SFMBT2: variants seen among roughly 807,000 people sequenced by gnomAD.
SFMBT2 encodes scm-like with four MBT domains protein 2.
In SFMBT2, 38 loss-of-function variants were observed where a neutral mutation model predicts 110.1. The ratio of observed to expected loss-of-function variants is 0.35; its 90% CI spans 0.27 to 0.45. The LOEUF is 0.45. Among genes scored for constraint, SFMBT2 ranks in the 20% least tolerant of loss-of-function variants. The pLI is 1.00. For missense variants in SFMBT2, 1,011 were observed against 1,094.9 expected (o/e 0.92, Z 1.08); for synonymous variants, 425 against 425.4 (o/e 1.00, Z 0.01).
Position 7,274,020 on chromosome 10 carries a change from G to A in SFMBT2, c.870+2872C>T, listed in dbSNP as rs982914459. On this transcript the variant is annotated intron_variant, in intron 7 of 20. Coordinates refer to ENST00000397167, the MANE Select transcript of SFMBT2 (RefSeq NM_001387889.1). ...CACTATTCACAATACCAAAGACTTG[G>A]AACCAACCCAAATGTTCATCAGTGA... Among the ~76,000 whole-genome samples the A allele has an allele frequency of 1.3e-5, 2 of 152,146 alleles. 1 individual carries two copies. Among genetic ancestry groups the A allele is most frequent in the Admixed American group, 1.3e-4 (2 of 15,270 alleles).
chr10:7,393,553 C>T (rs992272546), intron 1 of SFMBT2, among the ~76,000 whole-genome samples: 1 of 152,190 alleles, frequency 6.6e-6, no homozygotes. Flanking sequence ...GTGAGCAGAA[C>T]ATACCTGAAA....
chr10:7,397,993 T>C (rs1845975015), intron 1 of SFMBT2, among the ~76,000 whole-genome samples: 2 of 152,210 alleles, frequency 1.3e-5, no homozygotes, highest in South Asian at 4.1e-4. Context: ...CAGAGCTTGA[T>C]TTACCTTGAT....
chr10:7,346,029 A>C (rs143506514), intron 4 of SFMBT2, among the ~76,000 whole-genome samples: 5 of 152,284 alleles, frequency 3.3e-5, no homozygotes, highest in African/African-American at 1.2e-4. Context: ...AAAAGCACTG[A>C]ACACCTTAAC....
intron 7 of SFMBT2, chr10:7,249,606 TA>T (rs1474627507): frequency 1.0e-6 from 1 of 958,594 alleles, no homozygotes; most frequent in East Asian, 1.1e-4. Flanking sequence ...CCTGCAAATC[TA>T]AAGTGGGTTT....
intron 2 of SFMBT2, among the ~76,000 whole-genome samples, chr10:7,373,161 C>T (rs1366511588): frequency 6.6e-6 from 1 of 152,170 alleles, no homozygotes; most frequent in African/African-American, 2.4e-5. Flanking sequence ...GGGGTGAGTT[C>T]TGGCTCTTGA....
At chr10:7,376,727 CAAAA>C (rs35816107) in intron 2 of SFMBT2, among the ~76,000 whole-genome samples, 43 of 44,728 alleles carry the variant, frequency 9.6e-4, no homozygotes, top group African/African-American at 4.1e-3. Flanking sequence ...GGCCCTCCCA[CAAAA>C]AAAAAAAAAA....
intron 1 of SFMBT2, among the ~76,000 whole-genome samples, chr10:7,393,036 A>ATAAT (rs1845824818): frequency 5.4e-5 from 1 of 18,442 alleles, no homozygotes; most frequent in African/African-American, 4.0e-4. Context: ...TATATATATA[A>ATAAT]TTTTTTTTTT....
intron 4 of SFMBT2, among the ~76,000 whole-genome samples, chr10:7,345,499 C>T (rs1214553822): frequency 6.6e-6 from 1 of 152,184 alleles, no homozygotes; most frequent in Non-Finnish European, 1.5e-5. Flanking sequence ...GCTGGGATTA[C>T]AGGCATGTGC....
At chr10:7,348,406 GC>G in intron 4 of SFMBT2, 1 of 1,293,870 alleles carries the variant, frequency 7.7e-7, no homozygotes, top group Non-Finnish European at 1.0e-6. Context: ...GCTTTGGGGG[GC>G]TCTTCATAAC....
intron 4 of SFMBT2, among the ~76,000 whole-genome samples, chr10:7,345,813 T>C (rs1844091737): frequency 1.3e-5 from 2 of 152,176 alleles, no homozygotes; most frequent in Non-Finnish European, 1.5e-5. Flanking sequence ...AACCGAGTGT[T>C]CTAGAATCTC....
At chr10:7,261,327 T>G (rs1841193713) in intron 7 of SFMBT2, among the ~76,000 whole-genome samples, 1 of 152,198 alleles carries the variant, frequency 6.6e-6, no homozygotes, top group Non-Finnish European at 1.5e-5. Flanking sequence ...TAATGCATAT[T>G]CCAAAAACGT....
chr10:7,339,286 A>G (rs925928792), intron 4 of SFMBT2, among the ~76,000 whole-genome samples: 2 of 152,196 alleles, frequency 1.3e-5, no homozygotes, highest in Non-Finnish European at 2.9e-5. Flanking sequence ...TTGGCTTTTT[A>G]ATGAAAACAA....
chr10:7,294,969 T>G (rs935012962), intron 4 of SFMBT2: 1 of 152,226 alleles, frequency 6.6e-6, no homozygotes, highest in Admixed American at 6.5e-5. Context: ...TAGACTCTTT[T>G]TTATATATAC....
intron 16 of SFMBT2, among the ~76,000 whole-genome samples, chr10:7,178,482 A>G (rs1302627558): frequency 6.6e-6 from 1 of 152,200 alleles, no homozygotes; most frequent in East Asian, 1.9e-4. Context: ...TCTTGCCATC[A>G]TATATAAATA....
At chr10:7,267,002 A>C (rs1162078947) in intron 7 of SFMBT2, among the ~76,000 whole-genome samples, 1 of 152,178 alleles carries the variant, frequency 6.6e-6, no homozygotes, top group Admixed American at 6.5e-5. Context: ...CCTAAATATA[A>C]GAGTGGTTTG....
chr10:7,269,715 CGTGTGT>C (rs35063251), intron 7 of SFMBT2, among the ~76,000 whole-genome samples: 1,775 of 38,512 alleles, frequency 0.046, 32 homozygotes, highest in African/African-American at 0.088. Context: ...TAAGTGTGTG[CGTGTGT>C]GTGTGTGTGT....
At chr10:7,249,142 G>A (rs553793067) in intron 7 of SFMBT2, 14 of 854,506 alleles carry the variant, frequency 1.6e-5, no homozygotes, top group Middle Eastern at 1.2e-3. Context: ...TCACCGGCAC[G>A]AGTAAGGGTA....
At chr10:7,214,208 G>T (rs2762588) in intron 11 of SFMBT2, among the ~76,000 whole-genome samples, 11,721 of 152,282 alleles carry the variant, frequency 0.077, 474 homozygotes, top group South Asian at 0.15. Context: ...TTCTTAACAA[G>T]AGGTTAAGAA....
At chr10:7,279,604 C>T (rs1046502665) in intron 6 of SFMBT2, among the ~76,000 whole-genome samples, 3 of 152,142 alleles carry the variant, frequency 2.0e-5, no homozygotes, top group African/African-American at 4.8e-5. Context: ...TTAAAATGAT[C>T]GTGTTGCAGG....
Sources: allele counts gnomAD v4.1 joint callset (sites outside exome capture counted in the v4.1 genomes callset), GRCh38; gene constraint gnomAD v4.1.1; transcripts MANE v1.5; gene names NCBI Gene and HGNC (gene_info 2026-07-23, HGNC 2026-07-21).